Variants in WDR44 observed in about 807,000 individuals in gnomAD.
The protein encoded by WDR44 is WD repeat-containing protein 44.
Under a neutral mutation model 65.7 loss-of-function variants are expected in WDR44, and 9 were observed. The ratio of observed to expected loss-of-function variants is 0.14; its 90% CI spans 0.08 to 0.24. The LOEUF is 0.24. WDR44 is among the 10% of genes least tolerant of loss of function. The pLI is 1.00. For synonymous variants in WDR44, 220 were observed against 235.2 expected (o/e 0.94, Z 0.59); for missense variants, 425 against 670.9 (o/e 0.63, Z 4.05).
At chrX:118,400,523 C>T (rs1262222678) in intron 8 of WDR44, among the ~76,000 whole-genome samples, 1 of 111,764 alleles carries the variant, frequency 8.9e-6, no homozygotes, top group African/African-American at 3.2e-5. Flanking sequence ...CCAGAAAATA[C>T]AGCTTCAGAG....
chrX:118,396,368 T>C (rs1019731741), intron 6 of WDR44, among the ~76,000 whole-genome samples: 1 of 111,988 alleles, frequency 8.9e-6, no homozygotes, highest in African/African-American at 3.2e-5. Context: ...ATTCACAGCA[T>C]CATCATTCAT....
chrX:118,375,287 T>C (rs1247307406), intron 1 of WDR44, among the ~76,000 whole-genome samples: 1 of 111,098 alleles, frequency 9.0e-6, no homozygotes, highest in East Asian at 2.8e-4. Context: ...CTACCTCATA[T>C]GGGGCTTAAT....
At chrX:118,366,597 G>T (rs2682998) in intron 1 of WDR44, among the ~76,000 whole-genome samples, 28,941 of 109,714 alleles carry the variant, frequency 0.26, 3,127 homozygotes, top group African/African-American at 0.39. Flanking sequence ...TATATGGACC[G>T]TATTTGATTG....
chrX:118,346,347 T>C lies in WDR44; in HGVS notation c.-157T>C. ...CCCGGCAACTGAGGGCGGCCCCCTT[T>C]CCTTAACAGTCTCCTCGCTACAGAT... is the stretch of plus-strand genomic sequence containing the variant. On this transcript the variant is annotated 5_prime_UTR_variant, in exon 1 of 20. Coordinates refer to ENST00000254029, the MANE Select transcript of WDR44 (RefSeq NM_019045.5). The C allele has an allele frequency of 2.2e-6, 1 of 464,816 alleles. No individual in the cohort carries two copies. Among genetic ancestry groups the C allele is most frequent in the Non-Finnish European group, 3.7e-6 (1 of 267,193 alleles). The allele number at this position is 464,816 out of a possible 1,213,427, so 38.3% of individuals were successfully genotyped here.
chrX:118,439,842 G>C (rs1012875133), intron 14 of WDR44, among the ~76,000 whole-genome samples: 2 of 108,456 alleles, frequency 1.8e-5, no homozygotes, highest in African/African-American at 3.4e-5. Context: ...AATCTTGGCT[G>C]GGTATGGTGG....
intron 3 of WDR44, 33 bp from the exon 4 acceptor site, chrX:118,392,599 A>AT: frequency 8.8e-7 from 1 of 1,139,766 alleles, no homozygotes; most frequent in South Asian, 2.1e-5. Flanking sequence ...AAATAGCTTC[A>AT]TTTTTAAAAA....
chrX:118,423,855 T>C (rs2057126572), intron 12 of WDR44, among the ~76,000 whole-genome samples: 1 of 112,278 alleles, frequency 8.9e-6, no homozygotes, highest in Non-Finnish European at 1.9e-5. Context: ...ATGTAGTATT[T>C]GTCCAAAAAG....
chrX:118,354,902 C>A (rs1165253065), intron 1 of WDR44, among the ~76,000 whole-genome samples: 1 of 111,783 alleles, frequency 8.9e-6, no homozygotes, highest in East Asian at 2.8e-4. Flanking sequence ...AACTCACTGT[C>A]CCAGGAGCAA....
intron 6 of WDR44, among the ~76,000 whole-genome samples, chrX:118,395,984 T>A (rs1296496523): frequency 1.8e-5 from 2 of 110,769 alleles, no homozygotes; most frequent in Admixed American, 1.9e-4. Flanking sequence ...ATCACACCAC[T>A]GCACTCCAAC....
intron 12 of WDR44, among the ~76,000 whole-genome samples, chrX:118,422,473 C>G (rs1305186239): frequency 1.8e-5 from 2 of 110,549 alleles, no homozygotes; most frequent in Non-Finnish European, 3.8e-5. Context: ...AGGCGGATCA[C>G]CTGAGGTCAA....
chrX:118,360,811 AG>A (rs773584304), intron 1 of WDR44, among the ~76,000 whole-genome samples: 14 of 112,099 alleles, frequency 1.2e-4, no homozygotes, highest in Non-Finnish European at 2.1e-4. Flanking sequence ...ATCAAGCTGT[AG>A]GGTAATTTCC....
intron 1 of WDR44, among the ~76,000 whole-genome samples, chrX:118,369,681 G>C (rs1342708720): frequency 9.2e-6 from 1 of 109,105 alleles, no homozygotes; most frequent in African/African-American, 3.3e-5. Context: ...TGTTAGCCAG[G>C]ATGGTCTCAA....
chrX:118,443,486 G>A (rs1249173732), intron 17 of WDR44, 74 bp from the exon 18 acceptor site: 4 of 1,108,832 alleles, frequency 3.6e-6, no homozygotes, highest in East Asian at 6.3e-5. Flanking sequence ...AAAGTAGGAA[G>A]CACTGATAAA....
chrX:118,422,011 A>T (rs2057108843), intron 12 of WDR44, among the ~76,000 whole-genome samples: 1 of 111,856 alleles, frequency 8.9e-6, no homozygotes, highest in Non-Finnish European at 1.9e-5. Context: ...TGTACCTAGA[A>T]AGTAATGTTT....
intron 1 of WDR44, among the ~76,000 whole-genome samples, chrX:118,352,350 A>ATTTTTTTTTTTT (rs2056419703): frequency 9.9e-5 from 2 of 20,291 alleles, no homozygotes; most frequent in Non-Finnish European, 1.3e-4. Flanking sequence ...ATATATATAT[A>ATTTTTTTTTTTT]TATTTTTTTT....
chrX:118,360,494 G>A (rs1005470179), intron 1 of WDR44, among the ~76,000 whole-genome samples: 1 of 112,106 alleles, frequency 8.9e-6, no homozygotes, highest in African/African-American at 3.2e-5. Context: ...CTGAGGACCA[G>A]ACACGTGATT....
At chrX:118,384,950 C>T (rs1416413546) in intron 2 of WDR44, among the ~76,000 whole-genome samples, 1 of 111,348 alleles carries the variant, frequency 9.0e-6, no homozygotes, top group Non-Finnish European at 1.9e-5. Flanking sequence ...GAGTTTATTC[C>T]TGATTTGGCT....
intron 1 of WDR44, among the ~76,000 whole-genome samples, chrX:118,352,318 T>TTATATA (rs1234642278): frequency 3.4e-3 from 58 of 16,854 alleles, no homozygotes; most frequent in Non-Finnish European, 4.2e-3. Flanking sequence ...CCCAGCTAAT[T>TTATATA]TATATATATA....
intron 19 of WDR44, among the ~76,000 whole-genome samples, chrX:118,444,725 A>G (rs12389161): frequency 0.26 from 29,082 of 110,003 alleles, 3,179 homozygotes; most frequent in African/African-American, 0.39. Context: ...TCAGCCTCCC[A>G]AGTAGCTGGG....
Sources: gnomAD v4.1 joint callset for allele counts (sites outside exome capture counted in the v4.1 genomes callset) on GRCh38, gnomAD v4.1.1 for gene constraint, MANE v1.5 for transcripts, NCBI Gene and HGNC (gene_info 2026-07-23, HGNC 2026-07-21) for gene names.